Variants in SLC9A9 observed in about 807,000 individuals in gnomAD.
The protein encoded by SLC9A9 is sodium/hydrogen exchanger 9.
Under a neutral mutation model 77.8 loss-of-function variants are expected in SLC9A9, and 62 were observed. That is an observed-to-expected ratio of 0.80 (90% CI 0.65 to 0.98). The LOEUF is 0.98. SLC9A9 is among the 50% of genes least tolerant of loss of function. SLC9A9 has a pLI of 0.00. For synonymous variants in SLC9A9, 320 were observed against 283.5 expected (o/e 1.13, Z -1.29); for missense variants, 775 against 774.9 (o/e 1.00, Z 0.00).
At chr3:143,761,701 G>T (rs577076243) in intron 4 of SLC9A9, among the ~76,000 whole-genome samples, 2 of 152,312 alleles carry the variant, frequency 1.3e-5, no homozygotes, top group Non-Finnish European at 2.9e-5. Flanking sequence ...ACAGGTGCTA[G>T]AGAGGATGTG....
chr3:143,518,268 C>CCTGA, intron 9 of SLC9A9: 1 of 1,472,524 alleles, frequency 6.8e-7, no homozygotes, highest in Non-Finnish European at 9.4e-7. Flanking sequence ...GGCTGCAGCC[C>CCTGA]GGTTCCAGGC....
At chr3:143,446,394 G>T (rs548833831) in intron 12 of SLC9A9, among the ~76,000 whole-genome samples, 3 of 152,210 alleles carry the variant, frequency 2.0e-5, no homozygotes, top group African/African-American at 7.2e-5. Context: ...TTAAAGAGAA[G>T]GCTGGGGAAG....
At chr3:143,353,418 C>T (rs1006177768) in intron 14 of SLC9A9, among the ~76,000 whole-genome samples, 3 of 152,176 alleles carry the variant, frequency 2.0e-5, no homozygotes, top group Non-Finnish European at 4.4e-5. Context: ...CCTAAGAGAG[C>T]TTGTTTACTT....
chr3:143,782,929 G>T (rs565236622), intron 4 of SLC9A9, among the ~76,000 whole-genome samples: 1 of 152,138 alleles, frequency 6.6e-6, no homozygotes, highest in African/African-American at 2.4e-5. Flanking sequence ...AGTTGCCCAT[G>T]ATGGCCTTAA....
intron 14 of SLC9A9, among the ~76,000 whole-genome samples, chr3:143,352,743 A>T (rs950852688): frequency 1.3e-5 from 2 of 152,254 alleles, no homozygotes; most frequent in African/African-American, 4.8e-5. Context: ...GCTCTAAAAT[A>T]GTTTTCAAAG....
intron 12 of SLC9A9, among the ~76,000 whole-genome samples, chr3:143,466,119 A>G (rs74782860): frequency 0.015 from 2,261 of 152,254 alleles, 23 homozygotes; most frequent in Middle Eastern, 0.034. Context: ...GTAATAACAG[A>G]CTCTTGACTG....
chr3:143,357,752 A>C (rs1280515506), intron 14 of SLC9A9, among the ~76,000 whole-genome samples: 1 of 152,138 alleles, frequency 6.6e-6, no homozygotes, highest in South Asian at 2.1e-4. Context: ...TGCCTCATTT[A>C]TAAAACTGGG....
intron 9 of SLC9A9, among the ~76,000 whole-genome samples, chr3:143,549,408 G>C (rs1559963255): frequency 6.6e-6 from 1 of 152,076 alleles, no homozygotes; most frequent in Non-Finnish European, 1.5e-5. Flanking sequence ...AAAAAAATAA[G>C]CAGAAAATGA....
chr3:143,622,429 C>T (rs1427014628), intron 6 of SLC9A9, among the ~76,000 whole-genome samples: 1 of 152,160 alleles, frequency 6.6e-6, no homozygotes, highest in Non-Finnish European at 1.5e-5. Flanking sequence ...GGCAGAAACT[C>T]TACAAGCCAG....
chr3:143,637,709 G>C (rs2038548726), intron 6 of SLC9A9, among the ~76,000 whole-genome samples: 1 of 152,098 alleles, frequency 6.6e-6, no homozygotes, highest in Admixed American at 6.5e-5. Context: ...GGTGAGAATA[G>C]ATATGTATAC....
intron 4 of SLC9A9, among the ~76,000 whole-genome samples, chr3:143,779,622 C>T (rs1031297670): frequency 7.2e-5 from 11 of 152,122 alleles, no homozygotes; most frequent in Non-Finnish European, 1.2e-4. Context: ...CCATCCACTT[C>T]GGCCTCCCAA....
rs1355817483 is a variant in SLC9A9 at position 143,388,028 on chromosome 3, A to G, written c.1470-5914T>C. 2.0e-5 allele frequency among the ~76,000 whole-genome samples: 3 copies of G among 152,188 alleles called. No homozygotes were observed. The East Asian group carries it at 5.8e-4, about 29-fold the overall frequency. ...GGGGCTGGGTGGTGGGGGAAGATAC[A>G]TTATTTCCTCTAAGACCTGCTTTTG... On this transcript the variant is annotated intron_variant, in intron 12 of 15. Coordinates refer to ENST00000316549, the MANE Select transcript of SLC9A9 (RefSeq NM_173653.4).
chr3:143,613,041 G>A (rs2038047488), intron 6 of SLC9A9, among the ~76,000 whole-genome samples: 1 of 152,122 alleles, frequency 6.6e-6, no homozygotes, highest in Non-Finnish European at 1.5e-5. Context: ...ATAACATACT[G>A]CTTGTATTTT....
intron 9 of SLC9A9, among the ~76,000 whole-genome samples, chr3:143,547,882 A>G (rs1174324027): frequency 6.6e-6 from 1 of 152,152 alleles, no homozygotes; most frequent in Non-Finnish European, 1.5e-5. Flanking sequence ...TTTGACTACT[A>G]TGAAGTTCCT....
In SLC9A9 at chr3:143,699,891, G is replaced by A. The variant is rs140414054; in HGVS notation, c.534-6584C>T. Among the ~76,000 whole-genome samples, 29 of 151,908 alleles carry A rather than the reference G, an allele frequency of 1.9e-4. No individual in the cohort carries two copies. In the East Asian group the frequency reaches 4.3e-3, roughly 22 times the overall value. On this transcript the variant is annotated intron_variant, in intron 4 of 15. Transcript: ENST00000316549. ...TGCCTGTGTGACCCCTCCTTCAACC[G>A]TAGGCTGCACAGCTCATGGATCCAA...
chr3:143,413,027 C>T (rs2034123567), intron 12 of SLC9A9, among the ~76,000 whole-genome samples: 1 of 152,178 alleles, frequency 6.6e-6, no homozygotes, highest in Admixed American at 6.5e-5. Flanking sequence ...GTGGGCTTTC[C>T]CTTACAGAAA....
intron 4 of SLC9A9, among the ~76,000 whole-genome samples, chr3:143,781,992 T>C (rs1413855888): frequency 6.6e-6 from 1 of 152,206 alleles, no homozygotes; most frequent in African/African-American, 2.4e-5. Flanking sequence ...CCTCCCACAC[T>C]GGAAGCGCTA....
chr3:143,324,255 G>A (rs980124079), intron 14 of SLC9A9, among the ~76,000 whole-genome samples: 3 of 152,072 alleles, frequency 2.0e-5, no homozygotes, highest in Admixed American at 1.3e-4. Context: ...CCCAGGCAGT[G>A]GGTGAGCCTT....
chr3:143,360,705 G>C (rs1178295611), intron 14 of SLC9A9, among the ~76,000 whole-genome samples: 3 of 152,184 alleles, frequency 2.0e-5, no homozygotes, highest in Admixed American at 2.0e-4. Flanking sequence ...TGAGTGACTG[G>C]TTTTATTGAT....
Sources: allele counts gnomAD v4.1 joint callset (sites outside exome capture counted in the v4.1 genomes callset), GRCh38; gene constraint gnomAD v4.1.1; transcripts MANE v1.5; gene names NCBI Gene and HGNC (gene_info 2026-07-23, HGNC 2026-07-21).